The following SMC2 variants were observed in gnomAD, a reference collection of about 807,000 sequenced individuals.
SMC2 encodes structural maintenance of chromosomes 2, also known as structural maintenance of chromosomes protein 2.
SMC2 carries 41 observed loss-of-function variants against 142.6 expected under a neutral mutation model. The observed-to-expected ratio is 0.29, with a 90% CI of 0.22 to 0.37. SMC2 has a LOEUF of 0.37. Ranked by LOEUF, SMC2 falls within the 10% of genes least tolerant of loss-of-function variation. SMC2 has a pLI of 1.00. For synonymous variants in SMC2, 463 were observed against 457.5 expected, an observed-to-expected ratio of 1.01 and a Z score of -0.15; for missense variants, 1,265 against 1,373.7, an observed-to-expected ratio of 0.92 and a Z score of 1.25.
chr9:104,107,830 A>G (rs1224303925), intron 9 of SMC2, among the ~76,000 whole-genome samples: 2 of 152,190 alleles, frequency 1.3e-5, no homozygotes, highest in Non-Finnish European at 2.9e-5. Flanking sequence ...GTGGGTTTTG[A>G]ATTAAGAAAG....
intron 9 of SMC2, among the ~76,000 whole-genome samples, chr9:104,104,790 TTAGA>T (rs751281830): frequency 6.6e-6 from 1 of 152,216 alleles, no homozygotes; most frequent in Non-Finnish European, 1.5e-5. Flanking sequence ...GTTTGTCTTC[TTAGA>T]TGGATATAAC....
intron 12 of SMC2, 32 bp downstream of exon 12, chr9:104,114,113 G>GT: frequency 8.0e-7 from 1 of 1,250,524 alleles, no homozygotes; most frequent in Non-Finnish European, 1.1e-6. Context: ...TTTTAACATA[G>GT]TAATAATCAA....
At chr9:104,120,728 T>C (rs1017210923) in intron 16 of SMC2, among the ~76,000 whole-genome samples, 2 of 152,238 alleles carry the variant, frequency 1.3e-5, no homozygotes, top group African/African-American at 4.8e-5. Context: ...CCAACATCAC[T>C]TCTATTTTTG....
rs760194049 is a variant in SMC2, at chr9:104,116,319, T to TGTAA, written c.1791+3_1791+6dup. The TGTAA allele has an allele frequency of 1.0e-5, 16 of 1,601,794 alleles. No homozygotes were observed. Among genetic ancestry groups the TGTAA allele is most frequent in the African/African-American group, 5.4e-5 (4 of 74,190 alleles). ...AAACTCTGAGAGTTGCTCAGAATCT[T>TGTAA]GTAAGTCTCATTTTGTCTTATTTAT... On this transcript the variant is annotated frameshift_variant and splice_region_variant. Coordinates refer to ENST00000374793, the MANE Select transcript of SMC2 (RefSeq NM_006444.3). LOFTEE classifies it high-confidence loss of function.
chr9:104,138,326 G>A (rs1300863005), intron 24 of SMC2, among the ~76,000 whole-genome samples, 161 bp downstream of exon 24: 1 of 152,056 alleles, frequency 6.6e-6, no homozygotes, highest in Admixed American at 6.6e-5. Context: ...AGGTATAGAA[G>A]GAAAAAAGTT....
intron 3 of SMC2, 22 bp from the exon 4 acceptor site, chr9:104,098,423 TA>T: frequency 7.1e-6 from 11 of 1,556,472 alleles, no homozygotes; most frequent in Non-Finnish European, 9.5e-6. Flanking sequence ...CATTAATATT[TA>T]AAAAATTGCT....
At chr9:104,110,961 T>G (rs1017072913) in intron 9 of SMC2, among the ~76,000 whole-genome samples, 2 of 152,224 alleles carry the variant, frequency 1.3e-5, no homozygotes, top group African/African-American at 4.8e-5. Flanking sequence ...GAATAGGGCC[T>G]ACTATATAGT....
At position 104,140,470 on chromosome 9, in the gene SMC2, T is replaced by C. The variant is rs1835970303; in HGVS notation, c.*1155T>C. The C allele has an allele frequency of 6.6e-6, 1 of 152,364 alleles. No homozygotes were observed. Among genetic ancestry groups the C allele is most frequent in the African/African-American group, 2.4e-5 (1 of 41,440 alleles). 9.4% of individuals were successfully genotyped at this position (152,364 alleles called of 1,614,324 possible). On this transcript the variant is annotated 3_prime_UTR_variant, in exon 25 of 25. Transcript: ENST00000374793. ...TGTGTTATTTTGGCCCCACATCTCT[T>C]CTTGATTTTTTAGTCTTATTTCCTT...
chr9:104,098,699 A>G (rs1397334698), intron 4 of SMC2, 131 bp downstream of exon 4: 123 of 856,556 alleles, frequency 1.4e-4, no homozygotes, highest in Admixed American at 6.1e-5. Flanking sequence ...GTGTCCGGCC[A>G]TCTGTTTAGA....
chr9:104,128,970 A>G (rs1834620407), intron 20 of SMC2, among the ~76,000 whole-genome samples: 2 of 152,172 alleles, frequency 1.3e-5, no homozygotes, highest in South Asian at 2.1e-4. Flanking sequence ...TTAGCTTCTC[A>G]TAAGTTGTGT....
upstream of SMC2, chr9:104,094,289 C>T: frequency 2.5e-6 from 1 of 398,578 alleles, no homozygotes; most frequent in Admixed American, 4.4e-5. Context: ...AGGTGGGGTC[C>T]TTTGCTCGCG....
At chr9:104,113,219 A>G in intron 10 of SMC2, 97 bp from the exon 11 acceptor site, 1 of 802,022 alleles carries the variant, frequency 1.2e-6, no homozygotes. Context: ...TTGAAGGTTA[A>G]GGTCTCTTAG....
In SMC2 at chr9:104,127,087, G is replaced by A. The variant is rs181045248; in HGVS notation, c.2596-199G>A. On this transcript the variant is annotated intron_variant, in intron 19 of 24. Coordinates refer to ENST00000374793, the MANE Select transcript of SMC2 (RefSeq NM_006444.3). ...TTGTACCTCCCACCCCTTTTACCAG[G>A]GATGATCCAAGTTTTCTTCTGTGTA... 7.2e-5 allele frequency among the ~76,000 whole-genome samples: 11 copies of A among 152,140 alleles called. No homozygotes were observed. In the East Asian group the frequency reaches 2.1e-3, roughly 29 times the overall value.
chr9:104,097,524 AAAG>A (rs1238213134), intron 3 of SMC2, among the ~76,000 whole-genome samples: 10 of 151,120 alleles, frequency 6.6e-5, no homozygotes, highest in South Asian at 2.1e-4. Flanking sequence ...AAAAAAAAAA[AAAG>A]AAGCGTAGGC....
intron 20 of SMC2, among the ~76,000 whole-genome samples, chr9:104,127,816 T>TCTAC (rs1161227662): frequency 6.6e-6 from 1 of 152,204 alleles, no homozygotes; most frequent in Non-Finnish European, 1.5e-5. Context: ...ATATATATTC[T>TCTAC]CTACCTTATT....
At position 104,100,397 on chromosome 9, in the gene SMC2, A is replaced by G; in HGVS notation, c.600A>G (p.Glu200=). The G allele has an allele frequency of 6.6e-7, 1 of 1,518,920 alleles. No homozygotes were observed. The highest frequency in any genetic ancestry group is 9.1e-7 in the Non-Finnish European group (1 of 1,097,964). The allele number at this position is 1,518,920 out of a possible 1,614,324, so 94.1% of individuals were successfully genotyped here. ...AKLKEIKTIL[E]EEITPTIQKL... ...TTTTCTTTATTTTCCAGATACTTGAAGAAGAGATTACTCCAACCATTCAAA... is the reference window on the plus strand; with the variant it reads ...TTTTCTTTATTTTCCAGATACTTGAGGAAGAGATTACTCCAACCATTCAAA... The change falls in exon 7 of 25, where the codon GAA becomes GAG. Residue 200 remains glutamate, a synonymous_variant. Coordinates refer to ENST00000374793, the MANE Select transcript of SMC2 (RefSeq NM_006444.3).
At chr9:104,095,636 T>C (rs562883441) in intron 2 of SMC2, 84 bp downstream of exon 2, 1 of 1,020,152 alleles carries the variant, frequency 9.8e-7, no homozygotes, top group East Asian at 2.4e-5. Context: ...CGATATTCTC[T>C]TCATTTGTGT....
intron 9 of SMC2, among the ~76,000 whole-genome samples, chr9:104,106,945 G>T (rs1443007798): frequency 3.9e-5 from 6 of 152,144 alleles, no homozygotes; most frequent in African/African-American, 1.4e-4. Context: ...TGTTTTGTTT[G>T]ATGGAACTTT....
chr9:104,129,535 T>C, intron 20 of SMC2, 110 bp from the exon 21 acceptor site: 1 of 907,656 alleles, frequency 1.1e-6, no homozygotes, highest in East Asian at 2.4e-5. Flanking sequence ...ATTGAAGGTT[T>C]TTTCCTCTTC....
Sources: gnomAD v4.1 joint callset for allele counts (sites outside exome capture counted in the v4.1 genomes callset) on GRCh38, gnomAD v4.1.1 for gene constraint, MANE v1.5 for transcripts, NCBI Gene and HGNC (gene_info 2026-07-23, HGNC 2026-07-21) for gene names.